Variants in RELB observed in about 807,000 individuals in gnomAD.
RELB encodes the protein transcription factor RelB.
RELB carries 14 observed loss-of-function variants against 55.4 expected under a neutral mutation model. That is an observed-to-expected ratio of 0.25 (90% CI 0.17 to 0.40). The LOEUF (loss-of-function observed/expected upper bound fraction) is 0.40, where lower values mean the gene tolerates loss of function less well. Among genes scored for constraint, RELB ranks in the 10% least tolerant of loss-of-function variants. The pLI is 1.00. For missense variants in RELB, 669 were observed against 830.7 expected (o/e 0.81, Z 2.39); for synonymous variants, 409 against 371.3 (o/e 1.10, Z -1.17).
chr19:45,030,096 G>A (rs1478084929), intron 8 of RELB, among the ~76,000 whole-genome samples: 2 of 152,268 alleles, frequency 1.3e-5, no homozygotes, highest in East Asian at 3.9e-4. Flanking sequence ...GAGCCCGGGA[G>A]GCGGAGGCTG....
At chr19:45,035,197 A>C (rs886138305) in intron 11 of RELB, among the ~76,000 whole-genome samples, 2 of 152,050 alleles carry the variant, frequency 1.3e-5, no homozygotes, top group African/African-American at 2.4e-5. Flanking sequence ...GGGCTTCAAC[A>C]GGATAGAACG....
At chr19:45,026,553 G>GAA (rs11419790) in intron 7 of RELB, among the ~76,000 whole-genome samples, 43 of 151,180 alleles carry the variant, frequency 2.8e-4, no homozygotes, top group Admixed American at 7.3e-4. Context: ...CAAAAAACAA[G>GAA]AAAAAAAAAC....
chr19:45,016,006 A>ATT (rs532894569), intron 4 of RELB, among the ~76,000 whole-genome samples: 3 of 149,792 alleles, frequency 2.0e-5, no homozygotes, highest in Non-Finnish European at 3.0e-5. Flanking sequence ...TTTTATTATT[A>ATT]TTTTTTTTTT....
chr19:45,009,741 G>C, intron 2 of RELB, 73 bp from the exon 3 acceptor site: 1 of 1,547,780 alleles, frequency 6.5e-7, no homozygotes, highest in Non-Finnish European at 8.8e-7. Flanking sequence ...TGGGGAATCT[G>C]TCTTAAAAGA....
At chr19:45,001,953 C>G (rs1971216877) in intron 1 of RELB, among the ~76,000 whole-genome samples, 1 of 148,324 alleles carries the variant, frequency 6.7e-6, no homozygotes, top group Non-Finnish European at 1.5e-5. Context: ...CGTGGCCTGA[C>G]TCAGAGAAGG....
rs778150058 is a variant in RELB, at chr19:45,011,925, T to C, written c.164-11T>C. 1.4e-5 allele frequency: 21 copies of C among 1,475,698 alleles called. No individual in the cohort carries two copies. The East Asian group carries it at 5.1e-4, about 36-fold the overall frequency. 91.4% of individuals were successfully genotyped at this position (1,475,698 alleles called of 1,614,324 possible). On this transcript the variant is annotated splice_polypyrimidine_tract_variant and intron_variant, in intron 3 of 11. Coordinates refer to ENST00000221452, the MANE Select transcript of RELB (RefSeq NM_006509.4). The stretch of plus-strand genomic sequence containing the variant: ...AATGGGCGTCACCACCCGTTTTTTC[T>C]TCTCCCGCAGAGATCATCGACGAGT...
chr19:45,023,393 T>TTTCTTTCCTTCCTTCC (rs1555726776), intron 5 of RELB, among the ~76,000 whole-genome samples: 4 of 144,686 alleles, frequency 2.8e-5, no homozygotes, highest in East Asian at 2.0e-4. Flanking sequence ...TGCAGTTTTC[T>TTTCTTTCCTTCCTTCC]TTCCTTCCTT....
In RELB at chr19:45,036,578, T is replaced by C. The variant is rs35527954; in HGVS notation, c.1355-827T>C. Among the ~76,000 whole-genome samples, 1,418 of 152,280 alleles carry C rather than the reference T, an allele frequency of 9.3e-3. 20 individuals are homozygous for C. The highest frequency in any genetic ancestry group is 0.033 in the African/African-American group (1,369 of 41,556). ...TGGAACCTCTTCTCCTTTCTCACTC[T>C]CAGGGAAAACTCTCCACAGCTGTGT... On this transcript the variant is annotated intron_variant, in intron 11 of 11. Transcript: ENST00000221452.
chr19:45,020,409 A>G (rs1971469529), intron 4 of RELB, among the ~76,000 whole-genome samples: 1 of 151,268 alleles, frequency 6.6e-6, no homozygotes, highest in Admixed American at 6.6e-5. Context: ...TTTTTTATAG[A>G]GACGGGGTTG....
intron 8 of RELB, among the ~76,000 whole-genome samples, chr19:45,031,499 A>G (rs1219510029): frequency 3.9e-5 from 6 of 152,158 alleles, no homozygotes; most frequent in African/African-American, 1.4e-4. Flanking sequence ...GTATGACTGT[A>G]TGCTGTCTTG....
At chr19:45,012,320 C>T (rs1391185899) in intron 4 of RELB, 44 bp downstream of exon 4, 3 of 1,252,826 alleles carry the variant, frequency 2.4e-6, no homozygotes, top group Admixed American at 3.6e-5. Context: ...CTGGGGCTTC[C>T]CCTGCACCCC....
intron 5 of RELB, among the ~76,000 whole-genome samples, chr19:45,022,664 C>T (rs1971504594): frequency 6.6e-6 from 1 of 151,724 alleles, no homozygotes; most frequent in East Asian, 1.9e-4. Context: ...TCTCCTGCCC[C>T]AGACTCCCGA....
Position 45,025,853 on chromosome 19 carries a change from C to T in RELB, c.886+116C>T, listed in dbSNP as rs1971552620. Reference sequence around the variant, plus strand: ...GTGGCTCACGCCTGTAATCCCAACACTTTGGGAGGTCGAGGTGGGAGGATT... The same window carrying T: ...GTGGCTCACGCCTGTAATCCCAACATTTTGGGAGGTCGAGGTGGGAGGATT... On this transcript the variant is annotated intron_variant, in intron 7 of 11. Coordinates refer to ENST00000221452, the MANE Select transcript of RELB (RefSeq NM_006509.4). 5 of 1,310,932 alleles carry T rather than the reference C, an allele frequency of 3.8e-6. No homozygotes were observed. The South Asian group carries it at 6.4e-5, about 17-fold the overall frequency. 81.2% of individuals were successfully genotyped at this position (1,310,932 alleles called of 1,614,324 possible).
Position 45,032,717 on chromosome 19 carries a change from C to T in RELB, c.1175C>T (p.Pro392Leu). The T allele has an allele frequency of 1.2e-6, 2 of 1,609,212 alleles. No homozygotes were observed. Among genetic ancestry groups the T allele is most frequent in the Non-Finnish European group, 1.7e-6 (2 of 1,177,862 alleles). ...QRLTDGVCSE[P>L]LPFTYLPRDH... ...CTCACCGATGGGGTCTGCAGCGAGC[C>T]ATTGCCTTTCACGTACCTGCCTCGC... The change falls in exon 9 of 12, where the codon CCA (proline) becomes CTA (leucine). Residue 392 changes from proline to leucine, a missense_variant. Pro to Leu is a moderately conservative substitution (Grantham distance 98). This residue lies in a region of RELB where 341 missense variants were observed against 436.8 expected (regional missense o/e 0.78). Coordinates refer to ENST00000221452, the MANE Select transcript of RELB (RefSeq NM_006509.4).
At chr19:45,032,378 C>T (rs1052007410) in intron 8 of RELB, 156 bp from the exon 9 acceptor site, 8 of 609,664 alleles carry the variant, frequency 1.3e-5, no homozygotes, top group East Asian at 1.1e-4. Context: ...GAGATCGCGC[C>T]ATTGCACTCC....
chr19:45,003,621 T>C (rs1330514624), intron 2 of RELB: 2 of 517,846 alleles, frequency 3.9e-6, no homozygotes, highest in Non-Finnish European at 7.7e-6. Flanking sequence ...CATACTGCTG[T>C]CATCGCCCCT....
At chr19:45,011,455 C>T (rs58923283) in intron 3 of RELB, among the ~76,000 whole-genome samples, 1,660 of 152,126 alleles carry the variant, frequency 0.011, 33 homozygotes, top group African/African-American at 0.038. Flanking sequence ...AGCCACCGCG[C>T]CCAGCCTATT....
At chr19:45,009,769 T>A (rs1275036049) in intron 2 of RELB, 45 bp from the exon 3 acceptor site, 13 of 1,597,884 alleles carry the variant, frequency 8.1e-6, no homozygotes, top group Non-Finnish European at 1.0e-5. Flanking sequence ...TTGTGACCAC[T>A]TTCTGGACCT....
chr19:45,003,525 A>G (rs373694447), intron 2 of RELB: 13 of 510,910 alleles, frequency 2.5e-5, no homozygotes, highest in African/African-American at 2.0e-4. Context: ...CTTACCACCT[A>G]TCCATGCGCA....
Sources: allele counts gnomAD v4.1 joint callset (sites outside exome capture counted in the v4.1 genomes callset), GRCh38; gene constraint gnomAD v4.1.1; regional missense constraint gnomAD v4.1.1; transcripts MANE v1.5; gene names NCBI Gene and HGNC (gene_info 2026-07-23, HGNC 2026-07-21).